SPMIP3: variants seen among roughly 807,000 people sequenced by gnomAD.
SPMIP3 encodes protein SPMIP3.
the SPMIP3 span, among the ~76,000 whole-genome samples, chr1:244,368,889 G>A: frequency 8.4e-4 from 128 of 152,320 alleles, no homozygotes; most frequent in Middle Eastern, 3.4e-3. Context: ...GGCCGGGTGC[G>A]GTGGCTGACG....
At chr1:244,368,025 A>G in the SPMIP3 span, among the ~76,000 whole-genome samples, 1 of 152,004 alleles carries the variant, frequency 6.6e-6, no homozygotes, top group African/African-American at 2.4e-5. Context: ...CAGTGGTATG[A>G]TCTTGGTTCA....
chr1:244,361,272 C>G, the SPMIP3 span, among the ~76,000 whole-genome samples: 1 of 121,556 alleles, frequency 8.2e-6, no homozygotes, highest in Non-Finnish European at 1.6e-5. Flanking sequence ...CTCTGTTGCC[C>G]AGGCTGGAGT....
At chr1:244,373,241 C>T in the SPMIP3 span, among the ~76,000 whole-genome samples, 2 of 149,230 alleles carry the variant, frequency 1.3e-5, no homozygotes, top group African/African-American at 2.5e-5. Flanking sequence ...TCCACATTGC[C>T]ATCAAAAAAG....
the SPMIP3 span, among the ~76,000 whole-genome samples, chr1:244,370,127 T>G: frequency 6.6e-6 from 1 of 152,254 alleles, no homozygotes; most frequent in South Asian, 2.1e-4. Flanking sequence ...CCTTTCCATC[T>G]GCCTAAATAA....
At chr1:244,373,889 G>A in the SPMIP3 span, among the ~76,000 whole-genome samples, 10 of 152,092 alleles carry the variant, frequency 6.6e-5, no homozygotes, top group South Asian at 4.2e-4. Context: ...CAAGGTGGGC[G>A]GATCACTTGA....
At chr1:244,369,995 C>T in the SPMIP3 span, among the ~76,000 whole-genome samples, 1 of 152,166 alleles carries the variant, frequency 6.6e-6, no homozygotes, top group Non-Finnish European at 1.5e-5. Context: ...TTCACCCACA[C>T]AAGTTTCCAG....
the SPMIP3 span, chr1:244,376,390 C>T: frequency 3.4e-4 from 52 of 152,354 alleles, no homozygotes; most frequent in African/African-American, 1.2e-3. Flanking sequence ...AGGCTACTCA[C>T]TCGTTTAGAT....
chr1:244,365,124 A>G, the SPMIP3 span, among the ~76,000 whole-genome samples: 23 of 152,194 alleles, frequency 1.5e-4, no homozygotes, highest in Non-Finnish European at 2.8e-4. Context: ...TACAGAAGGG[A>G]TATATGGGAC....
chr1:244,372,287 T>G, the SPMIP3 span, among the ~76,000 whole-genome samples: 1 of 152,204 alleles, frequency 6.6e-6, no homozygotes, highest in African/African-American at 2.4e-5. Context: ...CAGCTTTGTA[T>G]CTGCAGAGCC....
chr1:244,377,129 A>ATT, the SPMIP3 span, among the ~76,000 whole-genome samples: 17 of 139,242 alleles, frequency 1.2e-4, no homozygotes, highest in African/African-American at 1.9e-4. Context: ...CTTTATTTTT[A>ATT]TTTTTTTTTT....
the SPMIP3 span, among the ~76,000 whole-genome samples, chr1:244,388,052 C>T: frequency 2.6e-5 from 4 of 151,972 alleles, no homozygotes; most frequent in South Asian, 4.2e-4. Context: ...CTCACCTTAC[C>T]GAGTAGCTGG....
At chr1:244,381,823 T>G in the SPMIP3 span, among the ~76,000 whole-genome samples, 1 of 152,122 alleles carries the variant, frequency 6.6e-6, no homozygotes, top group African/African-American at 2.4e-5. Flanking sequence ...CCCAGCTACC[T>G]GGGAGGCTGA....
At chr1:244,358,712 T>A in the SPMIP3 span, among the ~76,000 whole-genome samples, 1 of 152,144 alleles carries the variant, frequency 6.6e-6, no homozygotes, top group African/African-American at 2.4e-5. Context: ...GTTCTAATAT[T>A]GTCTTATGGC....
At chr1:244,365,247 G>A in the SPMIP3 span, among the ~76,000 whole-genome samples, 1 of 152,244 alleles carries the variant, frequency 6.6e-6, no homozygotes, top group African/African-American at 2.4e-5. Context: ...GGCCTGGGGT[G>A]ATATGATTTG....
chr1:244,387,110 C>G, the SPMIP3 span, among the ~76,000 whole-genome samples: 7 of 152,312 alleles, frequency 4.6e-5, no homozygotes, highest in Admixed American at 3.9e-4. Flanking sequence ...CGAGACTAGC[C>G]TGGCCAACAT....
At chr1:244,364,671 C>G in the SPMIP3 span, 1 of 1,605,346 alleles carries the variant, frequency 6.2e-7, no homozygotes, top group Non-Finnish European at 8.5e-7. Context: ...ATCCTTTATG[C>G]CATAATTTTT....
the SPMIP3 span, among the ~76,000 whole-genome samples, chr1:244,360,069 A>G: frequency 6.6e-6 from 1 of 152,166 alleles, no homozygotes; most frequent in Admixed American, 6.5e-5. Flanking sequence ...ACATCGCACC[A>G]CTGCACTCCA....
chr1:244,379,026 T>G, the SPMIP3 span, among the ~76,000 whole-genome samples: 1 of 152,126 alleles, frequency 6.6e-6, no homozygotes, highest in Non-Finnish European at 1.5e-5. Flanking sequence ...CCTCCTGGGT[T>G]CACTCCATTC....
chr1:244,364,701 A>G, the SPMIP3 span: 3 of 1,613,944 alleles, frequency 1.9e-6, no homozygotes, highest in Admixed American at 3.3e-5. Flanking sequence ...CCCATCCATC[A>G]TGACTGCCAT....
Sources: gnomAD v4.1 joint callset for allele counts (sites outside exome capture counted in the v4.1 genomes callset) on GRCh38, gnomAD v4.1.1 for gene constraint, MANE v1.5 for transcripts, NCBI Gene and HGNC (gene_info 2026-07-23, HGNC 2026-07-21) for gene names.